The following CALCOCO2 variants were observed in gnomAD, a reference collection of about 807,000 sequenced individuals.
CALCOCO2 encodes calcium binding and coiled-coil domain 2.
Under a neutral mutation model 62.5 loss-of-function variants are expected in CALCOCO2, and 42 were observed. The ratio of observed to expected loss-of-function variants is 0.67; its 90% CI spans 0.53 to 0.87. The LOEUF (loss-of-function observed/expected upper bound fraction) is 0.87. CALCOCO2 is among the 40% of genes least tolerant of loss of function. The pLI is 0.00. For synonymous variants in CALCOCO2, 167 were observed against 173.0 expected, an observed-to-expected ratio of 0.97 and a Z score of 0.27; for missense variants, 456 against 515.0, an observed-to-expected ratio of 0.89 and a Z score of 1.11.
At chr17:48,856,794 T>C (rs2040222548) in intron 10 of CALCOCO2, among the ~76,000 whole-genome samples, 1 of 151,022 alleles carries the variant, frequency 6.6e-6, no homozygotes, top group Non-Finnish European at 1.5e-5. Flanking sequence ...TTTTTTTTTC[T>C]TTTTTTGTTG....
At position 48,862,895 on chromosome 17, in the gene CALCOCO2, G is replaced by A; in HGVS notation, c.1231G>A (p.Glu411Lys). The A allele has an allele frequency of 6.2e-7, 1 of 1,613,964 alleles. No homozygotes were observed. The highest frequency in any genetic ancestry group is 1.7e-5 in the Admixed American group (1 of 60,026). The change falls in exon 13 of 13, where the codon GAG becomes AAG. Residue 411 changes from glutamate to lysine, a missense_variant. Glu to Lys is a moderately conservative substitution (Grantham distance 56). This residue lies in a region of CALCOCO2 where 172 missense variants were observed against 210.3 expected (regional missense o/e 0.82). Transcript: ENST00000258947. Reference protein sequence around the residue: ...KADDICDHTLEQQQMQPLCFN... With the variant: ...KADDICDHTLKQQQMQPLCFN... ...AGATGATATTTGTGATCACACCTTG[G>A]AGCAACAGCAGATGCAGCCCCTTTG...
intron 1 of CALCOCO2, among the ~76,000 whole-genome samples, chr17:48,835,168 A>G (rs1049197853): frequency 1.3e-5 from 2 of 152,202 alleles, no homozygotes; most frequent in Non-Finnish European, 2.9e-5. Flanking sequence ...TCTCCCAGGA[A>G]TTTTATCACT....
chr17:48,849,257 G>A lies in CALCOCO2; in HGVS notation c.423G>A (p.Glu141=), dbSNP rs770277390. 163 of 1,613,526 alleles carry A rather than the reference G, an allele frequency of 1.0e-4. No homozygotes were observed. Among genetic ancestry groups the A allele is most frequent in the Non-Finnish European group, 1.3e-4 (156 of 1,179,724 alleles). Residue 141 remains glutamate (E), a synonymous_variant, in exon 5 of 13, where the codon GAG becomes GAA. Transcript: ENST00000258947. ...EDILVVTTQG[E]VEEIEQHNKE... ...TATGGAATGTTCTTTTGTAGGGAGA[G>A]GTGGAAGAGATTGAGCAGCACAACA...
At chr17:48,834,505 A>G (rs2039862928) in intron 1 of CALCOCO2, among the ~76,000 whole-genome samples, 1 of 152,164 alleles carries the variant, frequency 6.6e-6, no homozygotes, top group Admixed American at 6.6e-5. Context: ...TTATGTGGCC[A>G]ATCTTTGATT....
rs1444151677 is a variant in CALCOCO2 at position 48,852,555 on chromosome 17, A to C, written c.752A>C (p.Asp251Ala). Residue 251 changes from aspartate (D) to alanine (A), a missense_variant, in exon 8 of 13, where the codon GAT becomes GCT. Around this residue, in one of 3 missense-constraint regions of CALCOCO2, gnomAD observed 236 missense variants for 225.3 expected, o/e 1.05. Transcript: ENST00000258947. ...EKEMEKLVQG[D>A]QDKTEQLEQL... ...GAAATGGAGAAGCTTGTTCAGGGAG[A>C]TCAAGATAAGACAGAGCAGTTAGAG... The C allele has an allele frequency of 4.3e-6, 7 of 1,613,494 alleles. No homozygotes were observed. Among genetic ancestry groups the C allele is most frequent in the Non-Finnish European group, 8.5e-7 (1 of 1,179,528 alleles).
At chr17:48,846,022 G>A (rs533842) in intron 2 of CALCOCO2, 223,644 of 1,350,868 alleles carry the variant, frequency 0.17, 24,843 homozygotes, top group East Asian at 0.69. Flanking sequence ...GCTCTCCCCA[G>A]TGTTCTTTCA....
At chr17:48,854,504 C>T (rs1473831758) in intron 9 of CALCOCO2, among the ~76,000 whole-genome samples, 3 of 137,544 alleles carry the variant, frequency 2.2e-5, no homozygotes, top group Non-Finnish European at 4.6e-5. Context: ...CTCCCGGGCT[C>T]AAGCTATTCT....
chr17:48,831,481 C>T (rs985765430), intron 1 of CALCOCO2: 2 of 152,314 alleles, frequency 1.3e-5, no homozygotes, highest in Non-Finnish European at 2.9e-5. Context: ...GGCTTCGAGG[C>T]GGAGGTGGAG....
At chr17:48,845,146 T>A (rs971368582) in intron 2 of CALCOCO2, among the ~76,000 whole-genome samples, 13 of 143,758 alleles carry the variant, frequency 9.0e-5, no homozygotes, top group South Asian at 2.3e-4. Context: ...AAAAAAAAAA[T>A]TTTTTTTAAA....
intron 10 of CALCOCO2, among the ~76,000 whole-genome samples, chr17:48,857,702 C>T (rs192482705): frequency 3.2e-4 from 47 of 148,818 alleles, no homozygotes; most frequent in African/African-American, 6.9e-4. Context: ...TGGCTGGGCG[C>T]GGTGGCTCAC....
At position 48,848,010 on chromosome 17, in the gene CALCOCO2, G is replaced by A. The variant is rs2040075523; in HGVS notation, c.181-54G>A. 4.1e-6 allele frequency: 4 copies of A among 981,938 alleles called. No individual in the cohort carries two copies. In the South Asian group the frequency reaches 5.4e-5, roughly 13 times the overall value. 60.8% of individuals were successfully genotyped at this position (981,938 alleles called of 1,614,324 possible). On this transcript the variant is annotated intron_variant, in intron 2 of 12. Transcript: ENST00000258947. The stretch of plus-strand genomic sequence containing the variant: ...ATTTTAAGAAGATGTAGCCCAATTA[G>A]GATTTTCCCCAGTCCCCTTTCAGGT...
At chr17:48,853,143 A>C (rs189402292) in intron 9 of CALCOCO2, 131 bp downstream of exon 9, 1 of 630,692 alleles carries the variant, frequency 1.6e-6, no homozygotes, top group African/African-American at 1.8e-5. Flanking sequence ...TTTGCTTTCT[A>C]GCCAAAAGGA....
chr17:48,849,226 A>G, intron 4 of CALCOCO2, 26 bp from the exon 5 acceptor site: 3 of 1,611,630 alleles, frequency 1.9e-6, no homozygotes, highest in South Asian at 1.1e-5. Context: ...GACTTGGAAT[A>G]TAGTTTATGG....
At chr17:48,840,825 A>G (rs1284097435) in intron 1 of CALCOCO2, among the ~76,000 whole-genome samples, 1 of 152,116 alleles carries the variant, frequency 6.6e-6, no homozygotes, top group African/African-American at 2.4e-5. Flanking sequence ...AGGTTGTACC[A>G]GGAAAAAAAA....
chr17:48,852,520 T>G lies in CALCOCO2; in HGVS notation c.717T>G (p.Thr239=), dbSNP rs1460310038. The change falls in exon 8 of 13, where the codon ACT becomes ACG. Residue 239 remains threonine (T), a synonymous_variant. Transcript: ENST00000258947. ...TTTTGTTTTAGGCCCAGCTGTCAAC[T>G]CAAGAGAAAGAAATGGAGAAGCTTG... The part of the protein sequence containing the change: ...RVDQLQAQLS[T]QEKEMEKLVQ... The G allele has an allele frequency of 5.0e-6, 8 of 1,613,440 alleles. No homozygotes were observed. In the African/African-American group the frequency reaches 1.1e-4, roughly 22 times the overall value.
At chr17:48,850,685 A>C (rs1215315368) in intron 5 of CALCOCO2, among the ~76,000 whole-genome samples, 1 of 152,198 alleles carries the variant, frequency 6.6e-6, no homozygotes, top group Non-Finnish European at 1.5e-5. Flanking sequence ...GGCTCTCAGT[A>C]AATATTTGTT....
chr17:48,861,567 T>C (rs1026060825), intron 11 of CALCOCO2, among the ~76,000 whole-genome samples: 5 of 151,230 alleles, frequency 3.3e-5, no homozygotes, highest in African/African-American at 1.2e-4. Flanking sequence ...ACTGTTTTTA[T>C]TAAAATCTCA....
In CALCOCO2 at chr17:48,864,368, G is replaced by A. The variant is rs2143694655; in HGVS notation, c.*1363G>A. On this transcript the variant is annotated 3_prime_UTR_variant, in exon 13 of 13. Coordinates refer to ENST00000258947, the MANE Select transcript of CALCOCO2 (RefSeq NM_005831.5). ...CGTGAGCCACTGTGCTGGGCCCGAG[G>A]CCCTGACTTCTTGCTGTAACTTTCC... 1 of 154,328 alleles carries A rather than the reference G, an allele frequency of 6.5e-6. No homozygotes were observed. The highest frequency in any genetic ancestry group is 2.4e-5 in the African/African-American group (1 of 41,620). The allele number at this position is 154,328 out of a possible 1,614,324, so 9.6% of individuals were successfully genotyped here.
chr17:48,854,987 C>T (rs775261745), intron 9 of CALCOCO2, among the ~76,000 whole-genome samples: 28 of 152,056 alleles, frequency 1.8e-4, no homozygotes, highest in Non-Finnish European at 3.2e-4. Flanking sequence ...CAACTCGGGG[C>T]GGCTGCACTG....
Sources: allele counts gnomAD v4.1 joint callset (sites outside exome capture counted in the v4.1 genomes callset), GRCh38; gene constraint gnomAD v4.1.1; regional missense constraint gnomAD v4.1.1; transcripts MANE v1.5; gene names NCBI Gene and HGNC (gene_info 2026-07-23, HGNC 2026-07-21).